Variants in EMSY observed in about 807,000 individuals in gnomAD.
EMSY encodes EMSY transcriptional repressor, BRCA2 interacting, also known as BRCA2-interacting transcriptional repressor EMSY.
A neutral mutation model predicts 134.6 loss-of-function variants in EMSY; 26 were observed. The ratio of observed to expected loss-of-function variants is 0.19; its 90% CI spans 0.14 to 0.27. The LOEUF (loss-of-function observed/expected upper bound fraction) is 0.27. Among genes scored for constraint, EMSY ranks in the 10% least tolerant of loss-of-function variants. The pLI, the probability that EMSY is intolerant of heterozygous loss-of-function variation, is 1.00. For synonymous variants in EMSY, 579 were observed against 577.8 expected (o/e 1.00, Z -0.03); for missense variants, 1,305 against 1,611.4 (o/e 0.81, Z 3.26).
In EMSY at chr11:76,506,420, A is replaced by G. The variant is rs111890667; in HGVS notation, c.1364-6966A>G. 2.1e-3 allele frequency among the ~76,000 whole-genome samples: 319 copies of G among 152,344 alleles called. 5 individuals carry two copies. The highest frequency in any genetic ancestry group is 7.3e-3 in the African/African-American group (302 of 41,578). ...TACATATAAACAAATAGTGTTTTGCACAGAAAACCCCATGAAGTCAAAAGA... is the reference window on the plus strand; with the variant it reads ...TACATATAAACAAATAGTGTTTTGCGCAGAAAACCCCATGAAGTCAAAAGA... On this transcript the variant is annotated intron_variant, in intron 9 of 20. Coordinates refer to ENST00000334736, the Ensembl canonical transcript of EMSY.
chr11:76,451,947 A>G, exon 3 of EMSY: 2 of 1,576,290 alleles, frequency 1.3e-6, no homozygotes, highest in Non-Finnish European at 1.7e-6. Flanking sequence ...AGAACTATCA[A>G]AAGTTCTTAG....
intron 18 of EMSY, among the ~76,000 whole-genome samples, chr11:76,542,753 GT>G (rs1555077830): frequency 1.4e-3 from 157 of 109,218 alleles, no homozygotes; most frequent in African/African-American, 2.2e-3. Context: ...TTCGTTTTTT[GT>G]TTTTTTTTTT....
chr11:76,547,834 A>T (rs933692421), intron 20 of EMSY, among the ~76,000 whole-genome samples: 1 of 152,230 alleles, frequency 6.6e-6, no homozygotes, highest in African/African-American at 2.4e-5. Flanking sequence ...ATCAAGGATG[A>T]TAGTTAATGG....
chr11:76,498,128 GGTTT>G (rs534040793), intron 9 of EMSY, among the ~76,000 whole-genome samples: 133 of 151,930 alleles, frequency 8.8e-4, no homozygotes, highest in African/African-American at 2.8e-3. Context: ...GATTTTTCTG[GGTTT>G]GTTTGTTTGT....
In EMSY at chr11:76,549,920, C is replaced by T. The variant is rs190464911; in HGVS notation, c.3775-32C>T. ...GAAGTTATTCTGCTACCTTTTCTTA[C>T]CATAAAGATTCTCCTGTGTCTTCTC... On this transcript the variant is annotated intron_variant, in intron 20 of 20. Coordinates refer to ENST00000334736, the Ensembl canonical transcript of EMSY. 44 of 1,458,822 alleles carry T rather than the reference C, an allele frequency of 3.0e-5. No homozygotes were observed. In the African/African-American group the frequency reaches 5.9e-4, roughly 20 times the overall value. 90.4% of individuals were successfully genotyped at this position (1,458,822 alleles called of 1,614,324 possible). A position where few individuals can be genotyped will look rare whatever the true frequency, so the allele number is the denominator to read the frequency against.
chr11:76,507,048 C>A (rs1342829138), intron 9 of EMSY, among the ~76,000 whole-genome samples: 2 of 152,184 alleles, frequency 1.3e-5, no homozygotes, highest in African/African-American at 4.8e-5. Flanking sequence ...GGAAGTCACA[C>A]CAAAGTTTTG....
chr11:76,471,971 A>G (rs1948589187), intron 7 of EMSY, among the ~76,000 whole-genome samples: 1 of 152,118 alleles, frequency 6.6e-6, no homozygotes, highest in Non-Finnish European at 1.5e-5. Context: ...GTTTCTGTTC[A>G]TATGTCACCT....
chr11:76,528,867 G>C (rs1009261897), intron 14 of EMSY, among the ~76,000 whole-genome samples: 1 of 152,118 alleles, frequency 6.6e-6, no homozygotes, highest in Non-Finnish European at 1.5e-5. Context: ...AAAGAATCAA[G>C]GTGGTCAGAG....
chr11:76,447,106 A>G (rs1947449018), intron 2 of EMSY, 98 bp downstream of exon 2: 1 of 1,139,238 alleles, frequency 8.8e-7, no homozygotes, highest in African/African-American at 1.6e-5. Flanking sequence ...ATCTCACGCT[A>G]CATCAGAAAT....
At chr11:76,486,028 A>G (rs1949163871) in intron 8 of EMSY, among the ~76,000 whole-genome samples, 1 of 152,238 alleles carries the variant, frequency 6.6e-6, no homozygotes, top group Admixed American at 6.5e-5. Flanking sequence ...TAGACTGGGT[A>G]AAGAAAGTGT....
At chr11:76,528,573 T>A in intron 14 of EMSY, 107 bp downstream of exon 15, 12 of 583,770 alleles carry the variant, frequency 2.1e-5, no homozygotes, top group Admixed American at 3.6e-5. Context: ...GTATGCTCTA[T>A]CAATTCTTTT....
At chr11:76,488,002 A>G (rs945545699) in intron 8 of EMSY, among the ~76,000 whole-genome samples, 3 of 152,218 alleles carry the variant, frequency 2.0e-5, no homozygotes, top group Non-Finnish European at 4.4e-5. Context: ...TTTTTAAAAA[A>G]TGTTCTTTGA....
chr11:76,544,722 T>C (rs2136770694), exon 19 of EMSY: 1 of 1,614,112 alleles, frequency 6.2e-7, no homozygotes, highest in Non-Finnish European at 8.5e-7. Flanking sequence ...CTCCCTAAAC[T>C]GCAGCAGGCT....
intron 8 of EMSY, among the ~76,000 whole-genome samples, chr11:76,481,290 A>C (rs1590851704): frequency 6.6e-6 from 1 of 151,956 alleles, no homozygotes; most frequent in African/African-American, 2.4e-5. Flanking sequence ...TGATCCGCCC[A>C]CCTTGGCCTT....
intron 17 of EMSY, among the ~76,000 whole-genome samples, chr11:76,541,109 C>T (rs1456850294): frequency 6.6e-6 from 1 of 152,122 alleles, no homozygotes; most frequent in East Asian, 1.9e-4. Flanking sequence ...ACATGTAATC[C>T]CAGCTATTCA....
intron 10 of EMSY, among the ~76,000 whole-genome samples, chr11:76,515,834 T>A (rs1950431324): frequency 6.6e-6 from 1 of 152,216 alleles, no homozygotes; most frequent in Admixed American, 6.5e-5. Context: ...TCTTTTGGCA[T>A]AAAACTAGTA....
In EMSY at chr11:76,535,882, T is replaced by C; in HGVS notation, c.2195-13T>C. 1 of 1,447,670 alleles carries C rather than the reference T, an allele frequency of 6.9e-7. No individual in the cohort carries two copies. Among genetic ancestry groups the C allele is most frequent in the Non-Finnish European group, 9.2e-7 (1 of 1,092,468 alleles). The allele number at this position is 1,447,670 out of a possible 1,614,324, so 89.7% of individuals were successfully genotyped here. On this transcript the variant is annotated splice_polypyrimidine_tract_variant and intron_variant, in intron 14 of 20. Transcript: ENST00000334736. ...TTTATAGGGTTTGTTTTTTTTTAAC[T>C]AATATAAAACAGATTCCCAGCCTGT... is the stretch of plus-strand genomic sequence containing the variant.
chr11:76,490,778 A>G (rs1338701482), intron 8 of EMSY, among the ~76,000 whole-genome samples: 1 of 152,166 alleles, frequency 6.6e-6, no homozygotes, highest in Non-Finnish European at 1.5e-5. Flanking sequence ...CATTTTTTCA[A>G]GAAGTCTTGG....
intron 9 of EMSY, among the ~76,000 whole-genome samples, chr11:76,499,951 G>T (rs1158856137): frequency 6.6e-6 from 1 of 151,770 alleles, no homozygotes; most frequent in Non-Finnish European, 1.5e-5. Context: ...ATGGTGGCAT[G>T]TGCCTGTACT....
Sources: allele counts gnomAD v4.1 joint callset (sites outside exome capture counted in the v4.1 genomes callset), GRCh38; gene constraint gnomAD v4.1.1; transcripts MANE v1.5; gene names NCBI Gene and HGNC (gene_info 2026-07-23, HGNC 2026-07-21).